EEA1: variants seen among roughly 807,000 people sequenced by gnomAD.
EEA1 encodes the protein early endosome antigen 1, also known as early endosome antigen 1, 162kD.
In EEA1, 111 loss-of-function variants were observed where a neutral mutation model predicts 209.2. That is an observed-to-expected ratio of 0.53 (90% CI 0.45 to 0.62). The LOEUF (loss-of-function observed/expected upper bound fraction) is 0.62, where lower values mean the gene tolerates loss of function less well. Among genes scored for constraint, EEA1 ranks in the 20% least tolerant of loss-of-function variants. EEA1 has a pLI of 0.00. For missense variants in EEA1, 1,343 were observed against 1,530.8 expected, an observed-to-expected ratio of 0.88 and a Z score of 2.05; for synonymous variants, 536 against 540.6, an observed-to-expected ratio of 0.99 and a Z score of 0.12.
intron 2 of EEA1, among the ~76,000 whole-genome samples, chr12:92,880,597 C>T (rs1037321813): frequency 6.6e-6 from 1 of 152,108 alleles, no homozygotes; most frequent in Non-Finnish European, 1.5e-5. Flanking sequence ...GCCTCAGCCT[C>T]GCGAGTAGCT....
chr12:92,869,954 T>C (rs1878565865), intron 2 of EEA1, among the ~76,000 whole-genome samples: 1 of 152,074 alleles, frequency 6.6e-6, no homozygotes, highest in Admixed American at 6.6e-5. Context: ...CTTGCACTGC[T>C]TCAGCCAGTT....
intron 1 of EEA1, among the ~76,000 whole-genome samples, chr12:92,897,433 G>T (rs1879933780): frequency 6.6e-6 from 1 of 152,156 alleles, no homozygotes. Flanking sequence ...CTGAATGTGG[G>T]TTACCACTTC....
In EEA1 at chr12:92,779,255, T is replaced by C; in HGVS notation, c.3514A>G (p.Lys1172Glu). 6.2e-7 allele frequency: 1 copy of C among 1,608,888 alleles called. No homozygotes were observed. The highest frequency in any genetic ancestry group is 8.5e-7 in the Non-Finnish European group (1 of 1,178,690). ...KDAKQLLIQQKLELQGKADSL... is the reference protein window; with the variant it reads ...KDAKQLLIQQELELQGKADSL... ...TCCGCTTTTCCTTGAAGTTCTAATT[T>C]CTGCTGAATTAGAAGCTGTTTAGCA... Residue 1172 changes from lysine (K) to glutamate (E), a missense_variant, in exon 25 of 29, where the codon AAA becomes GAA. Physicochemically the swap from Lys to Glu is moderately conservative, Grantham distance 56. Around this residue, in one of 3 missense-constraint regions of EEA1, gnomAD observed 1,307 missense variants for 1,465.5 expected, o/e 0.89. Coordinates refer to ENST00000322349, the MANE Select transcript of EEA1 (RefSeq NM_003566.4).
chr12:92,791,855 T>G (rs147458138), intron 21 of EEA1, among the ~76,000 whole-genome samples: 22 of 152,250 alleles, frequency 1.4e-4, no homozygotes, highest in Admixed American at 5.2e-4. Context: ...TATTCTAAAA[T>G]TGACCACATA....
At position 92,813,079 on chromosome 12, in the gene EEA1, G is replaced by A. The variant is rs780165239; in HGVS notation, c.1944C>T (p.Thr648=). Reference sequence around the variant, plus strand: ...CTGCTTCTGCTGATAGTAATAGTTCGGTTTTGGCTTTAATCTGTAACAGCA... The same window carrying A: ...CTGCTTCTGCTGATAGTAATAGTTCAGTTTTGGCTTTAATCTGTAACAGCA... The part of the protein sequence containing the change: ...SQLDIQIKAK[T]ELLLSAEAAK... The change falls in exon 16 of 29, where the codon ACC becomes ACT. Residue 648 remains threonine, a synonymous_variant. Coordinates refer to ENST00000322349, the MANE Select transcript of EEA1 (RefSeq NM_003566.4). 3.4e-5 allele frequency: 53 copies of A among 1,579,892 alleles called. 1 individual carries two copies. In the East Asian group the frequency reaches 8.6e-4, roughly 26 times the overall value.
In EEA1 at chr12:92,878,249, A is replaced by G. The variant is rs1878996836; in HGVS notation, c.118-13262T>C. On this transcript the variant is annotated intron_variant, in intron 2 of 28. Transcript: ENST00000322349. ...GACCCCTCGCTACAAGAAAATTAAA[A>G]ATTAAATTTCCATACAGCTACCTTT... 2.0e-5 allele frequency among the ~76,000 whole-genome samples: 3 copies of G among 152,170 alleles called. No individual in the cohort carries two copies. In the South Asian group the frequency reaches 6.2e-4, roughly 32 times the overall value.
chr12:92,894,829 AG>A, intron 1 of EEA1, among the ~76,000 whole-genome samples: 1 of 85,840 alleles, frequency 1.2e-5, no homozygotes, highest in South Asian at 2.8e-4. Flanking sequence ...ATCTATATTA[AG>A]TAACAGATTT....
At chr12:92,864,034 G>A (rs543216727) in intron 3 of EEA1, among the ~76,000 whole-genome samples, 1 of 152,138 alleles carries the variant, frequency 6.6e-6, no homozygotes, top group South Asian at 2.1e-4. Flanking sequence ...AAAAATACCC[G>A]AGAGCATTAG....
At chr12:92,881,828 T>A (rs1419893166) in intron 2 of EEA1, among the ~76,000 whole-genome samples, 1 of 152,174 alleles carries the variant, frequency 6.6e-6, no homozygotes, top group Non-Finnish European at 1.5e-5. Flanking sequence ...ACATTATGTA[T>A]TACATATATT....
At chr12:92,912,935 A>G (rs749357416) in intron 1 of EEA1, among the ~76,000 whole-genome samples, 6 of 152,160 alleles carry the variant, frequency 3.9e-5, no homozygotes, top group Non-Finnish European at 5.9e-5. Flanking sequence ...TCTTTATCCA[A>G]TCATCTGTTG....
intron 21 of EEA1, among the ~76,000 whole-genome samples, chr12:92,790,041 G>C (rs969969747): frequency 6.6e-6 from 1 of 152,222 alleles, no homozygotes; most frequent in Non-Finnish European, 1.5e-5. Flanking sequence ...GCAGCTGAGG[G>C]ACCTGTTAGA....
chr12:92,776,098 A>G lies in EEA1; in HGVS notation c.4149T>C (p.Ala1383=), dbSNP rs753619090. 2 of 1,610,700 alleles carry G rather than the reference A, an allele frequency of 1.2e-6. No homozygotes were observed. The highest frequency in any genetic ancestry group is 1.7e-6 in the Non-Finnish European group (2 of 1,177,944). The change falls in exon 29 of 29, where the codon GCT becomes GCC. Residue 1383 remains alanine (A), a synonymous_variant. Transcript: ENST00000322349. ...TTAAGGCATTTTTGGCTGAACATTC[A>G]GCACAGAAGATATTTCCACACTGTC... The part of the protein sequence containing the change: ...HCRQCGNIFC[A]ECSAKNALTP...
At chr12:92,844,310 C>A (rs1385088477) in intron 9 of EEA1, among the ~76,000 whole-genome samples, 1 of 152,034 alleles carries the variant, frequency 6.6e-6, no homozygotes, top group Non-Finnish European at 1.5e-5. Context: ...TGGAATATGT[C>A]TGAGATATGT....
intron 2 of EEA1, among the ~76,000 whole-genome samples, chr12:92,879,059 A>G (rs1879028875): frequency 6.6e-6 from 1 of 152,182 alleles, no homozygotes; most frequent in African/African-American, 2.4e-5. Context: ...TGATACAAAC[A>G]TTTCAAAAAA....
chr12:92,853,616 A>C (rs2136710926), intron 6 of EEA1, among the ~76,000 whole-genome samples: 1 of 152,336 alleles, frequency 6.6e-6, no homozygotes, highest in African/African-American at 2.4e-5. Context: ...AAAATAAACT[A>C]TCTTACTCTT....
intron 21 of EEA1, among the ~76,000 whole-genome samples, chr12:92,795,538 T>C (rs1018418803): frequency 1.3e-5 from 2 of 152,204 alleles, no homozygotes; most frequent in Non-Finnish European, 2.9e-5. Flanking sequence ...CCGGAACATT[T>C]ATTAGGCTAT....
chr12:92,825,048 A>C (rs1397947269), intron 13 of EEA1, among the ~76,000 whole-genome samples: 2 of 152,194 alleles, frequency 1.3e-5, no homozygotes, highest in African/African-American at 4.8e-5. Flanking sequence ...TATTGTTTCT[A>C]CATATATATC....
intron 1 of EEA1, among the ~76,000 whole-genome samples, chr12:92,903,060 A>C (rs1179599922): frequency 1.3e-5 from 2 of 149,764 alleles, no homozygotes; most frequent in East Asian, 4.1e-4. Flanking sequence ...TCAGCCTCCC[A>C]AGTAGCTGGG....
chr12:92,860,810 G>A (rs894138433), intron 3 of EEA1, among the ~76,000 whole-genome samples: 1 of 151,648 alleles, frequency 6.6e-6, no homozygotes, highest in Non-Finnish European at 1.5e-5. Flanking sequence ...TATTTTTGGA[G>A]GTTCATTATA....
Sources: gnomAD v4.1 joint callset for allele counts (sites outside exome capture counted in the v4.1 genomes callset) on GRCh38, gnomAD v4.1.1 for gene constraint, gnomAD v4.1.1 regional missense constraint, MANE v1.5 for transcripts, NCBI Gene and HGNC (gene_info 2026-07-23, HGNC 2026-07-21) for gene names.